ARL15: variants seen among roughly 807,000 people sequenced by gnomAD.
ARL15 encodes ARF like GTPase 15.
In ARL15, 19 loss-of-function variants were observed where a neutral mutation model predicts 25.2. That is an observed-to-expected ratio of 0.75 (90% confidence interval 0.53 to 1.10). ARL15 has a LOEUF of 1.10. Among genes scored for constraint, ARL15 ranks in the 50% least tolerant of loss-of-function variants. ARL15 has a pLI of 0.00. For missense variants in ARL15, 220 were observed against 246.0 expected, an observed-to-expected ratio of 0.89 and a Z score of 0.71; for synonymous variants, 94 against 86.8, an observed-to-expected ratio of 1.08 and a Z score of -0.46.
At chr5:53,996,398 C>T (rs1344515884) in intron 4 of ARL15, among the ~76,000 whole-genome samples, 3 of 151,782 alleles carry the variant, frequency 2.0e-5, no homozygotes, top group Non-Finnish European at 2.9e-5. Flanking sequence ...GCGGGTAGAT[C>T]ATCTGAGGTC....
intron 4 of ARL15, among the ~76,000 whole-genome samples, chr5:53,900,293 C>T (rs1013868689): frequency 7.2e-5 from 11 of 152,066 alleles, no homozygotes; most frequent in Admixed American, 3.9e-4. Flanking sequence ...AACCACAAAC[C>T]CCTGAATCAA....
chr5:54,295,099 T>A (rs1758432917), intron 1 of ARL15, among the ~76,000 whole-genome samples: 1 of 152,274 alleles, frequency 6.6e-6, no homozygotes, highest in Admixed American at 6.5e-5. Context: ...TGTTTCATTA[T>A]ACTTGTGTTC....
At chr5:54,193,453 A>AGCTCCC (rs1755461359) in intron 1 of ARL15, among the ~76,000 whole-genome samples, 2 of 152,172 alleles carry the variant, frequency 1.3e-5, no homozygotes, top group Non-Finnish European at 2.9e-5. Context: ...GCAAGGGAGC[A>AGCTCCC]TTGTGGCTTG....
At chr5:54,146,826 G>A (rs1393637237) in intron 3 of ARL15, among the ~76,000 whole-genome samples, 2 of 152,086 alleles carry the variant, frequency 1.3e-5, no homozygotes, top group South Asian at 4.1e-4. Context: ...TAGAAAAAGT[G>A]GACCCTTAAG....
chr5:54,032,802 A>C (rs1750033838), intron 4 of ARL15, among the ~76,000 whole-genome samples: 1 of 152,152 alleles, frequency 6.6e-6, no homozygotes, highest in Admixed American at 6.6e-5. Context: ...AATTAAACAT[A>C]AAAAGTTCTG....
At chr5:54,200,019 T>C (rs529305483) in intron 1 of ARL15, among the ~76,000 whole-genome samples, 2 of 151,382 alleles carry the variant, frequency 1.3e-5, no homozygotes, top group Admixed American at 6.6e-5. Context: ...TTGGAAATCA[T>C]CACTCTCAGT....
intron 4 of ARL15, among the ~76,000 whole-genome samples, chr5:53,907,436 T>C (rs1283814117): frequency 7.7e-6 from 1 of 130,568 alleles, no homozygotes; most frequent in Non-Finnish European, 1.6e-5. Flanking sequence ...AGAAGAAGGT[T>C]GAAAGGTTGG....
intron 4 of ARL15, chr5:54,075,427 G>T (rs925886091): frequency 1.1e-4 from 17 of 153,854 alleles, no homozygotes; most frequent in African/African-American, 3.9e-4. Context: ...GCAGCCAAAG[G>T]CGAAAAGCAA....
chr5:54,178,103 A>G (rs277335), intron 1 of ARL15, among the ~76,000 whole-genome samples: 137,605 of 152,222 alleles, frequency 0.9, 62,345 homozygotes, highest in East Asian at 0.99. Flanking sequence ...CCAAAACAGA[A>G]CAGCAAAGTT....
chr5:54,116,363 C>G (rs969166126), intron 3 of ARL15, among the ~76,000 whole-genome samples: 14 of 152,236 alleles, frequency 9.2e-5, no homozygotes, highest in Admixed American at 5.2e-4. Flanking sequence ...AGGCTACATC[C>G]AGACACTATC....
intron 1 of ARL15, among the ~76,000 whole-genome samples, chr5:54,175,152 A>C (rs1754828843): frequency 6.6e-6 from 1 of 152,172 alleles, no homozygotes; most frequent in African/African-American, 2.4e-5. Context: ...TTTTTGCCAA[A>C]CACTCCAGAA....
At chr5:53,957,828 A>C (rs1747212062) in intron 4 of ARL15, among the ~76,000 whole-genome samples, 1 of 152,152 alleles carries the variant, frequency 6.6e-6, no homozygotes, top group Non-Finnish European at 1.5e-5. Context: ...TGTCTCAAAA[A>C]CAGAAAAATA....
In ARL15 at chr5:54,272,066, C is replaced by T. The variant is rs115811417; in HGVS notation, c.48+38366G>A. Among the ~76,000 whole-genome samples the T allele has an allele frequency of 3.8e-3, 542 of 143,744 alleles. 2 individuals are homozygous for T. Among genetic ancestry groups the T allele is most frequent in the African/African-American group, 0.013 (506 of 39,296 alleles). The allele number at this position is 143,744 out of a possible 152,430, so 94.3% of individuals were successfully genotyped here. ...TCAAGAGATCCTTCTGTCTCAGCTTCCTGAATAGCTAGGCCTATAGGTGTG... is the reference window on the plus strand; with the variant it reads ...TCAAGAGATCCTTCTGTCTCAGCTTTCTGAATAGCTAGGCCTATAGGTGTG... On this transcript the variant is annotated intron_variant, in intron 1 of 4. Transcript: ENST00000504924.
intron 1 of ARL15, among the ~76,000 whole-genome samples, chr5:54,297,954 T>A (rs1440476049): frequency 6.6e-5 from 10 of 152,192 alleles, no homozygotes; most frequent in Admixed American, 6.5e-4. Flanking sequence ...GGCTAATTTT[T>A]GTATTTTTAG....
At chr5:54,277,155 T>C (rs373943894) in intron 1 of ARL15, among the ~76,000 whole-genome samples, 1 of 152,080 alleles carries the variant, frequency 6.6e-6, no homozygotes, top group African/African-American at 2.4e-5. Context: ...TTTAATAATA[T>C]ATAATCTTAT....
intron 3 of ARL15, among the ~76,000 whole-genome samples, chr5:54,150,899 A>C (rs1441919359): frequency 2.0e-5 from 3 of 151,140 alleles, no homozygotes; most frequent in African/African-American, 7.3e-5. Flanking sequence ...CAAATCATGC[A>C]AATAATAATG....
chr5:54,257,085 A>G (rs1757389812), intron 1 of ARL15, among the ~76,000 whole-genome samples: 4 of 152,226 alleles, frequency 2.6e-5, no homozygotes, highest in Admixed American at 2.6e-4. Flanking sequence ...TGGAAGTCCT[A>G]GCCAGGGCAA....
chr5:54,172,294 TCTC>T (rs1754744002), intron 1 of ARL15, among the ~76,000 whole-genome samples: 2 of 152,242 alleles, frequency 1.3e-5, no homozygotes, highest in Middle Eastern at 6.8e-3. Flanking sequence ...ACTGGCCTGT[TCTC>T]CTCCAAAATA....
chr5:54,140,999 A>T (rs1045901122), intron 3 of ARL15, among the ~76,000 whole-genome samples: 4 of 152,210 alleles, frequency 2.6e-5, no homozygotes, highest in African/African-American at 9.6e-5. Context: ...CCAAATGCAG[A>T]ATCACCAACA....
Sources: gnomAD v4.1 joint callset for allele counts (sites outside exome capture counted in the v4.1 genomes callset) on GRCh38, gnomAD v4.1.1 for gene constraint, MANE v1.5 for transcripts, NCBI Gene and HGNC (gene_info 2026-07-23, HGNC 2026-07-21) for gene names.